Variants in FGF3 observed in about 807,000 individuals in gnomAD.
The protein encoded by FGF3 is FGF-3.
Under a neutral mutation model 9.8 loss-of-function variants are expected in FGF3, and 7 were observed. That is an observed-to-expected ratio of 0.72 (90% confidence interval 0.41 to 1.35). The LOEUF is 1.35. Ranked by LOEUF, FGF3 falls within the 40% of genes most tolerant of loss-of-function variation. FGF3 has a pLI of 0.01. For synonymous variants in FGF3, 173 were observed against 157.2 expected (o/e 1.10, Z -0.75); for missense variants, 390 against 345.6 (o/e 1.13, Z -1.02).
At chr11:69,815,418 G>A (rs1306468370) in intron 2 of FGF3, among the ~76,000 whole-genome samples, 4 of 152,114 alleles carry the variant, frequency 2.6e-5, no homozygotes, top group Non-Finnish European at 4.4e-5. Context: ...ATGAAGGGGC[G>A]CATCCCGGCT....
Position 69,816,438 on chromosome 11 carries a change from A to G in FGF3, c.221-15T>C, listed in dbSNP as rs537273607. The G allele has an allele frequency of 3.1e-6, 5 of 1,602,002 alleles. No homozygotes were observed. The African/African-American group carries it at 6.7e-5, about 21-fold the overall frequency. On this transcript the variant is annotated splice_polypyrimidine_tract_variant and intron_variant, in intron 1 of 2. Coordinates refer to ENST00000334134, the MANE Select transcript of FGF3 (RefSeq NM_005247.4). ...CTCCAAAATACCTAGAAGAAATGAG[A>G]GGTGCCTCACTCCCGCCGCCCCCAC...
rs1463172702 is a variant in FGF3, at chr11:69,818,911, A to G, written c.23T>C (p.Leu8Pro). The G allele has an allele frequency of 1.1e-5, 16 of 1,471,236 alleles. No homozygotes were observed. Among genetic ancestry groups the G allele is most frequent in the African/African-American group, 2.9e-5 (2 of 67,868 alleles). The allele number at this position is 1,471,236 out of a possible 1,614,324, so 91.1% of individuals were successfully genotyped here. Residue 8 changes from leucine to proline, a missense_variant, in exon 1 of 3, where the codon CTG becomes CCG. Physicochemically the swap from Leu to Pro is moderately conservative, Grantham distance 98. Coordinates refer to ENST00000334134, the MANE Select transcript of FGF3 (RefSeq NM_005247.4). MGLIWLL[L>P]LSLLEPGWPA... Reference sequence around the variant, plus strand: ...CCAGCCGGGCTCCAGCAGGCTGAGCAGTAGCAGCCAGATTAGGCCCATCGT... The same window carrying G: ...CCAGCCGGGCTCCAGCAGGCTGAGCGGTAGCAGCCAGATTAGGCCCATCGT...
At chr11:69,815,282 G>GTGGA (rs1361128066) in intron 2 of FGF3, among the ~76,000 whole-genome samples, 2 of 149,864 alleles carry the variant, frequency 1.3e-5, no homozygotes, top group Non-Finnish European at 3.0e-5. Context: ...GGATGGATGG[G>GTGGA]TGGATGGGTG....
chr11:69,816,531 T>A, intron 1 of FGF3, 108 bp from the exon 2 acceptor site: 1 of 788,728 alleles, frequency 1.3e-6, no homozygotes, highest in Non-Finnish European at 2.2e-6. Flanking sequence ...CTGGGGAGGG[T>A]AGCACACACC....
chr11:69,817,162 G>A (rs1478761557), intron 1 of FGF3, among the ~76,000 whole-genome samples: 1 of 152,050 alleles, frequency 6.6e-6, no homozygotes, highest in Non-Finnish European at 1.5e-5. Flanking sequence ...GCTGGGGGCG[G>A]GGGACTACAT....
chr11:69,815,481 C>T (rs1590964177), intron 2 of FGF3, among the ~76,000 whole-genome samples: 2 of 152,170 alleles, frequency 1.3e-5, no homozygotes, highest in South Asian at 2.1e-4. Flanking sequence ...AAATCATCAG[C>T]TTCTGCGAGA....
Position 69,810,368 on chromosome 11 carries a change from G to T in FGF3, c.657C>A (p.Asn219Lys). 6.4e-7 allele frequency: 1 copy of T among 1,566,038 alleles called. No individual in the cohort carries two copies. The highest frequency in any genetic ancestry group is 1.7e-4 in the Middle Eastern group (1 of 5,932). ...RRRRQKQSPD[N>K]LEPSHVQASR... ...AAGCCTGAACGTGAGAGGGCTCCAG[G>T]TTATCCGGGCTCTGCTTCTGCCGCC... Residue 219 changes from asparagine to lysine, a missense_variant, in exon 3 of 3, where the codon AAC becomes AAA. Physicochemically the swap from Asn to Lys is moderately conservative, Grantham distance 94. Coordinates refer to ENST00000334134, the MANE Select transcript of FGF3 (RefSeq NM_005247.4).
chr11:69,818,988 A>G lies in FGF3; in HGVS notation c.-55T>C. ...GCGGCTGCAGGCGAGCGCGGCGCCC[A>G]TGGAAGGGGCGGCAGCCGGACAGCT... On this transcript the variant is annotated 5_prime_UTR_variant, in exon 1 of 3. It removes an upstream start codon present in the reference 5' UTR. Coordinates refer to ENST00000334134, the MANE Select transcript of FGF3 (RefSeq NM_005247.4). 3 of 1,228,584 alleles carry G rather than the reference A, an allele frequency of 2.4e-6. No individual in the cohort carries two copies. Among genetic ancestry groups the G allele is most frequent in the South Asian group, 1.5e-5 (1 of 64,558 alleles). 76.1% of individuals were successfully genotyped at this position (1,228,584 alleles called of 1,614,324 possible).
At chr11:69,814,304 C>G (rs1257820322) in intron 2 of FGF3, among the ~76,000 whole-genome samples, 2 of 151,814 alleles carry the variant, frequency 1.3e-5, no homozygotes, top group Non-Finnish European at 2.9e-5. Flanking sequence ...GGGGCGTGGT[C>G]TGAGGACTAG....
At chr11:69,813,589 TGGGTGGGTGGATGGATGGATGGATGGGTG>T (rs1251587011) in intron 2 of FGF3, among the ~76,000 whole-genome samples, 46,246 of 131,536 alleles carry the variant, frequency 0.35, 6,492 homozygotes, top group East Asian at 0.4. Flanking sequence ...GATGGATAGA[TGGGTGGGTGGATGGATGGATGGATGGGTG>T]GATGGATGGA....
Position 69,813,997 on chromosome 11 carries a change from G to A in FGF3, c.324+2323C>T, listed in dbSNP as rs79289757. ...AAGGATGGAAGGAAGGAGGGAGCAT[G>A]GACGGATGGACATGTGAATGGGCAG... On this transcript the variant is annotated intron_variant, in intron 2 of 2. Transcript: ENST00000334134. Among the ~76,000 whole-genome samples the A allele has an allele frequency of 9.9e-4, 150 of 152,056 alleles. 3 individuals are homozygous for A. In the East Asian group the frequency reaches 0.029, roughly 29 times the overall value.
chr11:69,816,729 G>A (rs1201265972), intron 1 of FGF3, among the ~76,000 whole-genome samples: 1 of 152,180 alleles, frequency 6.6e-6, no homozygotes, highest in East Asian at 1.9e-4. Context: ...CTTGCCAGCT[G>A]CCATCATCAT....
rs7932320 is a variant in FGF3, at chr11:69,810,743, T to C, written c.325-43A>G. The C allele has an allele frequency of 0.49, 721,262 of 1,482,072 alleles. 178,356 individuals are homozygous for C. Among genetic ancestry groups the C allele is most frequent in the East Asian group, 0.61 (24,763 of 40,784 alleles). The allele number at this position is 1,482,072 out of a possible 1,614,324, so 91.8% of individuals were successfully genotyped here. A position where few individuals can be genotyped will look rare whatever the true frequency, so the allele number is the denominator to read the frequency against. On this transcript the variant is annotated intron_variant, in intron 2 of 2. Coordinates refer to ENST00000334134, the MANE Select transcript of FGF3 (RefSeq NM_005247.4). Reference sequence around the variant, plus strand: ...CATGGTCAGTGCCCCGGGGAGACTGTGGCAGCGTCAGGGCCCAGGGTTGCC... The same window carrying C: ...CATGGTCAGTGCCCCGGGGAGACTGCGGCAGCGTCAGGGCCCAGGGTTGCC...
intron 1 of FGF3, 89 bp downstream of exon 1, chr11:69,818,625 C>T (rs1400842616): frequency 1.2e-5 from 12 of 1,021,342 alleles, no homozygotes; most frequent in Admixed American, 4.3e-5. Flanking sequence ...GGCGCCGCCT[C>T]CCCCGCGGGG....
intron 2 of FGF3, among the ~76,000 whole-genome samples, chr11:69,814,408 T>G (rs1856094820): frequency 6.7e-6 from 1 of 149,292 alleles, no homozygotes; most frequent in Non-Finnish European, 1.5e-5. Context: ...AGATGGGGAG[T>G]CGGGGAGCTG....
chr11:69,819,244 G>T lies in FGF3; in HGVS notation c.-311C>A, dbSNP rs2119942578. On this transcript the variant is annotated 5_prime_UTR_variant, in exon 1 of 3. Transcript: ENST00000334134. ...GACGGTTCGCCAACAAAAGGCCGAC[G>T]TGGTCCCCAGGCGGAGGCGCGGGAG... 6.6e-6 allele frequency among the ~76,000 whole-genome samples: 1 copy of T among 152,096 alleles called. No homozygotes were observed. The highest frequency in any genetic ancestry group is 1.5e-5 in the Non-Finnish European group (1 of 67,960).
chr11:69,810,674 A>G lies in FGF3; in HGVS notation c.351T>C (p.Phe117=). 3 of 1,592,188 alleles carry G rather than the reference A, an allele frequency of 1.9e-6. No homozygotes were observed. Among genetic ancestry groups the G allele is most frequent in the Middle Eastern group, 3.3e-4 (2 of 5,982 alleles). The change falls in exon 3 of 3, where the codon TTT becomes TTC. Residue 117 remains phenylalanine (F), a synonymous_variant. Transcript: ENST00000334134. The part of the protein sequence containing the change: ...ASEHYSAECE[F]VERIHELGYN... ...AGCCCAGCTCGTGGATCCGCTCCACAAACTCGCACTCGGCGCTGTAGTGCT... is the reference window on the plus strand; with the variant it reads ...AGCCCAGCTCGTGGATCCGCTCCACGAACTCGCACTCGGCGCTGTAGTGCT...
rs1335577803 is a variant in FGF3, at chr11:69,819,271, G to C, written c.-338C>G. Among the ~76,000 whole-genome samples the C allele has an allele frequency of 6.6e-6, 1 of 151,760 alleles. No homozygotes were observed. Among genetic ancestry groups the C allele is most frequent in the East Asian group, 2.0e-4 (1 of 5,098 alleles). On this transcript the variant is annotated 5_prime_UTR_variant, in exon 1 of 3. Coordinates refer to ENST00000334134, the MANE Select transcript of FGF3 (RefSeq NM_005247.4). ...GGTCCCCAGGCGGAGGCGCGGGAGG[G>C]GCGGGAGGCCGGCGGGTGGGGAGCC...
chr11:69,819,091 A>G lies in FGF3; in HGVS notation c.-158T>C. 5.2e-6 allele frequency: 2 copies of G among 381,964 alleles called. No homozygotes were observed. The highest frequency in any genetic ancestry group is 4.4e-5 in the South Asian group (1 of 22,970). The allele number at this position is 381,964 out of a possible 1,614,324, so 23.7% of individuals were successfully genotyped here. A position where few individuals can be genotyped will look rare whatever the true frequency, so the allele number is the denominator to read the frequency against. On this transcript the variant is annotated 5_prime_UTR_variant, in exon 1 of 3. Coordinates refer to ENST00000334134, the MANE Select transcript of FGF3 (RefSeq NM_005247.4). ...CGGGAAAGGTGGGGGAAGAAGGGGGAAGGGTGGGCGAGAGAGAGAAAGAGA... is the reference window on the plus strand; with the variant it reads ...CGGGAAAGGTGGGGGAAGAAGGGGGGAGGGTGGGCGAGAGAGAGAAAGAGA...
Sources: gnomAD v4.1 joint callset for allele counts (sites outside exome capture counted in the v4.1 genomes callset) on GRCh38, gnomAD v4.1.1 for gene constraint, MANE v1.5 for transcripts, NCBI Gene and HGNC (gene_info 2026-07-23, HGNC 2026-07-21) for gene names.